NTN4: variants seen among roughly 807,000 people sequenced by gnomAD.
NTN4 encodes netrin-4.
In NTN4, 32 loss-of-function variants were observed where a neutral mutation model predicts 73.6. That is an observed-to-expected ratio of 0.44 (90% confidence interval 0.33 to 0.58). The LOEUF (loss-of-function observed/expected upper bound fraction) is 0.58, where lower values mean the gene tolerates loss of function less well. Among genes scored for constraint, NTN4 ranks in the 20% least tolerant of loss-of-function variants. NTN4 has a pLI of 0.04. For missense variants in NTN4, 654 were observed against 798.3 expected, an observed-to-expected ratio of 0.82 and a Z score of 2.18; for synonymous variants, 258 against 287.5, an observed-to-expected ratio of 0.90 and a Z score of 1.04.
At chr12:95,763,126 G>C (rs1243785701) in intron 2 of NTN4, among the ~76,000 whole-genome samples, 1 of 152,118 alleles carries the variant, frequency 6.6e-6, no homozygotes, top group Non-Finnish European at 1.5e-5. Context: ...CTTTGTATGA[G>C]GCACTGAGAC....
chr12:95,764,651 C>A (rs1388723365), intron 2 of NTN4, among the ~76,000 whole-genome samples: 2 of 145,074 alleles, frequency 1.4e-5, no homozygotes, highest in Non-Finnish European at 3.0e-5. Context: ...GGTGAGAAAG[C>A]GAGACTCCAT....
At position 95,781,262 on chromosome 12, in the gene NTN4, C is replaced by CTTTTT. The variant is rs2079131247; in HGVS notation, c.585+5676_585+5677insAAAAA. 6.6e-6 allele frequency among the ~76,000 whole-genome samples: 1 copy of CTTTTT among 152,106 alleles called. No homozygotes were observed. The highest frequency in any genetic ancestry group is 2.4e-5 in the African/African-American group (1 of 41,414). The stretch of plus-strand genomic sequence containing the variant: ...GCACATGTATACATATGTAACAAAC[C>CTTTTT]TGCACGTTGTGCACATGTACCCTAG... On this transcript the variant is annotated intron_variant, in intron 2 of 9. Coordinates refer to ENST00000343702, the MANE Select transcript of NTN4 (RefSeq NM_021229.4). The surrounding 1 kb of genome is among the most constrained non-coding windows in gnomAD (Gnocchi z 4.1).
chr12:95,767,113 G>A lies in NTN4; in HGVS notation c.585+19826C>T, dbSNP rs1173609706. On this transcript the variant is annotated intron_variant, in intron 2 of 9. Transcript: ENST00000343702. ...CAGGATTGAGTCCAAACTGCTCCCC[G>A]TGGAGCACCCAGGGCTAGCTTCATC... Among the ~76,000 whole-genome samples the A allele has an allele frequency of 5.3e-5, 8 of 152,020 alleles. No individual in the cohort carries two copies. In the East Asian group the frequency reaches 1.5e-3, roughly 29 times the overall value.
intron 5 of NTN4, among the ~76,000 whole-genome samples, chr12:95,687,993 C>T (rs1392534824): frequency 2.0e-5 from 3 of 152,090 alleles, no homozygotes; most frequent in African/African-American, 7.2e-5. Flanking sequence ...AGAAGAAAAG[C>T]TGTAGAGTCA....
intron 5 of NTN4, among the ~76,000 whole-genome samples, chr12:95,691,055 A>G (rs2078397771): frequency 6.6e-6 from 1 of 152,276 alleles, no homozygotes; most frequent in Admixed American, 6.5e-5. Context: ...ACTATGCAGA[A>G]CTAGCTCCAG....
At chr12:95,698,806 A>G (rs184043277) in intron 5 of NTN4, among the ~76,000 whole-genome samples, 1 of 152,210 alleles carries the variant, frequency 6.6e-6, no homozygotes, top group Non-Finnish European at 1.5e-5. Context: ...GCAATGAGCC[A>G]TGTTCATGAC....
chr12:95,744,251 G>T (rs1299274338), intron 2 of NTN4, among the ~76,000 whole-genome samples: 1 of 152,126 alleles, frequency 6.6e-6, no homozygotes, highest in African/African-American at 2.4e-5. Context: ...TTTTATCAGT[G>T]TATGTCCCTT....
intron 2 of NTN4, among the ~76,000 whole-genome samples, chr12:95,768,413 A>AGG (rs748095894): frequency 9.5e-4 from 144 of 152,248 alleles, no homozygotes; most frequent in Non-Finnish European, 1.3e-3. Context: ...AGGCAGGATT[A>AGG]GGGGGAGGGG....
chr12:95,709,520 TTCTCTC>T (rs1222779866), intron 5 of NTN4, among the ~76,000 whole-genome samples: 25 of 148,522 alleles, frequency 1.7e-4, no homozygotes, highest in Middle Eastern at 3.5e-3. Flanking sequence ...TTTCCTTCCT[TTCTCTC>T]TCTCTCTCTC....
intron 2 of NTN4, among the ~76,000 whole-genome samples, chr12:95,785,802 C>T (rs2079163153): frequency 6.6e-6 from 1 of 152,138 alleles, no homozygotes. Flanking sequence ...GAGTGCTTAC[C>T]CTAGTTTCTG....
chr12:95,734,163 G>C lies in NTN4; in HGVS notation c.864+3703C>G, dbSNP rs370537648. ...ATTCTTTTCGATAGTTTAAGAAATA[G>C]GGTGCCATTTCCATTAACTTCCCTA... On this transcript the variant is annotated intron_variant, in intron 3 of 9. Coordinates refer to ENST00000343702, the MANE Select transcript of NTN4 (RefSeq NM_021229.4). Among the ~76,000 whole-genome samples, 411 of 151,816 alleles carry C rather than the reference G, an allele frequency of 2.7e-3. 2 individuals carry two copies. Among genetic ancestry groups the C allele is most frequent in the African/African-American group, 9.6e-3 (396 of 41,414 alleles).
chr12:95,669,232 A>G (rs2078207602), intron 8 of NTN4, among the ~76,000 whole-genome samples: 1 of 152,062 alleles, frequency 6.6e-6, no homozygotes, highest in Non-Finnish European at 1.5e-5. Flanking sequence ...AGTCTCAGAC[A>G]CTAGGCAAGA....
At chr12:95,704,173 C>A (rs1445466353) in intron 5 of NTN4, among the ~76,000 whole-genome samples, 1 of 152,236 alleles carries the variant, frequency 6.6e-6, no homozygotes, top group African/African-American at 2.4e-5. Context: ...CCAGATGATG[C>A]CAATGCGGCT....
At chr12:95,736,369 C>T (rs144551969) in intron 3 of NTN4, among the ~76,000 whole-genome samples, 2 of 152,246 alleles carry the variant, frequency 1.3e-5, no homozygotes, top group East Asian at 1.9e-4. Context: ...TTATGGGGGC[C>T]TCTGTCATTT....
chr12:95,770,762 C>T (rs10735334), intron 2 of NTN4, among the ~76,000 whole-genome samples: 133,637 of 152,258 alleles, frequency 0.88, 58,709 homozygotes, highest in South Asian at 0.91. Context: ...ATGAACATGA[C>T]GTCATGTAGA....
intron 5 of NTN4, among the ~76,000 whole-genome samples, chr12:95,693,823 A>G (rs984747623): frequency 1.3e-5 from 2 of 151,976 alleles, no homozygotes; most frequent in Non-Finnish European, 1.5e-5. Flanking sequence ...GGAGGGTGTG[A>G]TCTATGGTCC....
At chr12:95,771,088 C>G (rs998220016) in intron 2 of NTN4, among the ~76,000 whole-genome samples, 1 of 150,584 alleles carries the variant, frequency 6.6e-6, no homozygotes, top group Non-Finnish European at 1.5e-5. Context: ...CTCCCGGGTT[C>G]ACGCCATTCT....
At chr12:95,770,980 G>C (rs1205297447) in intron 2 of NTN4, among the ~76,000 whole-genome samples, 1 of 139,382 alleles carries the variant, frequency 7.2e-6, no homozygotes, top group African/African-American at 2.7e-5. Context: ...GAACCATCCA[G>C]GAAAAGAATT....
At chr12:95,724,546 G>A (rs1433356973) in intron 3 of NTN4, among the ~76,000 whole-genome samples, 1 of 152,140 alleles carries the variant, frequency 6.6e-6, no homozygotes, top group Non-Finnish European at 1.5e-5. Context: ...ATATATCTAA[G>A]ACTTCATTGC....
Sources: allele counts gnomAD v4.1 joint callset (sites outside exome capture counted in the v4.1 genomes callset), GRCh38; gene constraint gnomAD v4.1.1; non-coding constraint Gnocchi (gnomAD v3.1); transcripts MANE v1.5; gene names NCBI Gene and HGNC (gene_info 2026-07-23, HGNC 2026-07-21).